E2F3: variants seen among roughly 807,000 people sequenced by gnomAD.
The protein encoded by E2F3 is transcription factor E2F3.
Under a neutral mutation model 44.4 loss-of-function variants are expected in E2F3, and 11 were observed. That is an observed-to-expected ratio of 0.25 (90% CI 0.16 to 0.41). E2F3 has a LOEUF of 0.41. Ranked by LOEUF, E2F3 falls within the 10% of genes least tolerant of loss-of-function variation. The probability of loss-of-function intolerance (pLI) is 1.00; values close to 1 mark genes in which losing one functional copy is unlikely to be tolerated. For missense variants in E2F3, 487 were observed against 583.6 expected, an observed-to-expected ratio of 0.83 and a Z score of 1.70; for synonymous variants, 249 against 253.0, an observed-to-expected ratio of 0.98 and a Z score of 0.15.
chr6:20,426,823 C>T (rs1393934913), intron 1 of E2F3, among the ~76,000 whole-genome samples: 1 of 152,228 alleles, frequency 6.6e-6, no homozygotes, highest in Admixed American at 6.5e-5. Flanking sequence ...AATACAACTG[C>T]CCTGGCATCC....
intron 1 of E2F3, among the ~76,000 whole-genome samples, chr6:20,417,570 A>G (rs1759888445): frequency 6.7e-6 from 1 of 149,266 alleles, no homozygotes; most frequent in South Asian, 2.1e-4. Flanking sequence ...CTTGATTTTT[A>G]TTTCCTGATA....
intron 1 of E2F3, among the ~76,000 whole-genome samples, chr6:20,404,418 C>T (rs955374241): frequency 2.6e-5 from 4 of 152,224 alleles, no homozygotes; most frequent in Non-Finnish European, 4.4e-5. Flanking sequence ...GAGGCTTGGC[C>T]TCCACGGGGC....
At chr6:20,406,659 T>C (rs1025694480) in intron 1 of E2F3, among the ~76,000 whole-genome samples, 4 of 152,170 alleles carry the variant, frequency 2.6e-5, no homozygotes, top group African/African-American at 9.7e-5. Flanking sequence ...AGCATATGCC[T>C]TGAATTGTGA....
rs142885608 is a variant in E2F3 at position 20,424,916 on chromosome 6, G to A, written c.393+22291G>A. On this transcript the variant is annotated intron_variant, in intron 1 of 6. Coordinates refer to ENST00000346618, the MANE Select transcript of E2F3 (RefSeq NM_001949.5). ...TTCCAGACCAAGTCCAGGAAATTTC[G>A]AAACCTCTCTTAACCATTATGCAAC... 1.8e-3 allele frequency among the ~76,000 whole-genome samples: 268 copies of A among 152,278 alleles called. 3 individuals are homozygous for A. Among genetic ancestry groups the A allele is most frequent in the African/African-American group, 5.4e-3 (226 of 41,556 alleles).
chr6:20,440,686 A>G (rs145337392), intron 1 of E2F3, among the ~76,000 whole-genome samples: 141 of 152,348 alleles, frequency 9.3e-4, no homozygotes, highest in African/African-American at 3.2e-3. Flanking sequence ...GTAAAAGCTC[A>G]TTAAAAAATG....
chr6:20,484,610 A>C (rs1481304285), intron 4 of E2F3, among the ~76,000 whole-genome samples: 2 of 152,132 alleles, frequency 1.3e-5, no homozygotes, highest in Non-Finnish European at 2.9e-5. Flanking sequence ...TTATGTAGTG[A>C]CCTAAAACCC....
chr6:20,474,304 A>G (rs1487804839), intron 1 of E2F3, among the ~76,000 whole-genome samples: 1 of 152,202 alleles, frequency 6.6e-6, no homozygotes, highest in African/African-American at 2.4e-5. Flanking sequence ...TTCTTTGCAG[A>G]GGCATGTTAA....
At chr6:20,464,067 T>C (rs1198277611) in intron 1 of E2F3, among the ~76,000 whole-genome samples, 1 of 152,286 alleles carries the variant, frequency 6.6e-6, no homozygotes, top group Admixed American at 6.5e-5. Context: ...GGCAGGAGTG[T>C]GGAGCTTCCA....
At chr6:20,480,083 C>T (rs1762172119) in intron 2 of E2F3, 126 bp downstream of exon 2, 1 of 1,429,142 alleles carries the variant, frequency 7.0e-7, no homozygotes, top group African/African-American at 1.4e-5. Flanking sequence ...TCATTTCTTT[C>T]TGTGCTTATC....
intron 1 of E2F3, among the ~76,000 whole-genome samples, chr6:20,422,952 G>A (rs1226067898): frequency 2.6e-5 from 4 of 152,192 alleles, no homozygotes; most frequent in Non-Finnish European, 5.9e-5. Flanking sequence ...TTGGAAAAAT[G>A]GTGCTGATAG....
chr6:20,461,889 G>A (rs6938537), intron 1 of E2F3, among the ~76,000 whole-genome samples: 134,797 of 152,252 alleles, frequency 0.89, 59,881 homozygotes, highest in East Asian at 0.94. Context: ...CTGGCTTCAA[G>A]CATAGTATCA....
chr6:20,464,546 C>T (rs1761638215), intron 1 of E2F3, among the ~76,000 whole-genome samples: 1 of 152,206 alleles, frequency 6.6e-6, no homozygotes, highest in African/African-American at 2.4e-5. Context: ...GTCTAGGCTC[C>T]ACACAGGACT....
intron 1 of E2F3, among the ~76,000 whole-genome samples, chr6:20,416,853 C>T (rs1759864240): frequency 6.6e-6 from 1 of 152,176 alleles, no homozygotes; most frequent in East Asian, 1.9e-4. Flanking sequence ...CACCAAGACA[C>T]TTAAAACTAG....
At chr6:20,423,629 C>T (rs567610592) in intron 1 of E2F3, among the ~76,000 whole-genome samples, 1 of 152,014 alleles carries the variant, frequency 6.6e-6, no homozygotes, top group South Asian at 2.1e-4. Context: ...CACCACCACA[C>T]CCAGCTAATT....
At chr6:20,482,335 T>G (rs1447439992) in intron 3 of E2F3, among the ~76,000 whole-genome samples, 2 of 125,748 alleles carry the variant, frequency 1.6e-5, no homozygotes, top group African/African-American at 5.8e-5. Flanking sequence ...GGATGGGTTG[T>G]TTTTTTGTTT....
intron 1 of E2F3, among the ~76,000 whole-genome samples, chr6:20,427,260 C>A (rs6927711): frequency 4.6e-5 from 7 of 152,150 alleles, no homozygotes; most frequent in Non-Finnish European, 8.8e-5. Context: ...CCTTCTTACC[C>A]TAATGAGGCT....
chr6:20,464,703 A>AG (rs1343904332), intron 1 of E2F3, among the ~76,000 whole-genome samples: 1 of 152,198 alleles, frequency 6.6e-6, no homozygotes, highest in African/African-American at 2.4e-5. Context: ...AGTACTATGT[A>AG]GGGGGAGCAT....
intron 1 of E2F3, among the ~76,000 whole-genome samples, chr6:20,450,079 A>G (rs564245684): frequency 6.6e-6 from 1 of 152,318 alleles, no homozygotes; most frequent in East Asian, 1.9e-4. Context: ...TGCAGTGAAC[A>G]TACGGTATGC....
At chr6:20,450,921 G>A (rs866647400) in intron 1 of E2F3, among the ~76,000 whole-genome samples, 4 of 152,146 alleles carry the variant, frequency 2.6e-5, no homozygotes, top group East Asian at 3.9e-4. Context: ...CAGGTTTGTC[G>A]AAGATCATAT....
Sources: gnomAD v4.1 joint callset for allele counts (sites outside exome capture counted in the v4.1 genomes callset) on GRCh38, gnomAD v4.1.1 for gene constraint, MANE v1.5 for transcripts, NCBI Gene and HGNC (gene_info 2026-07-23, HGNC 2026-07-21) for gene names.